Variants in CLSTN1 observed in about 807,000 individuals in gnomAD.
The protein encoded by CLSTN1 is calsyntenin 1.
Under a neutral mutation model 108.3 loss-of-function variants are expected in CLSTN1, and 28 were observed. That is an observed-to-expected ratio of 0.26 (90% confidence interval 0.19 to 0.35). The LOEUF (loss-of-function observed/expected upper bound fraction) is 0.35, where lower values mean the gene tolerates loss of function less well. CLSTN1 is among the 10% of genes least tolerant of loss of function. The pLI, the probability that CLSTN1 is intolerant of heterozygous loss-of-function variation, is 1.00. For synonymous variants in CLSTN1, 524 were observed against 534.9 expected, an observed-to-expected ratio of 0.98 and a Z score of 0.28; for missense variants, 1,157 against 1,302.6, an observed-to-expected ratio of 0.89 and a Z score of 1.72.
intron 1 of CLSTN1, among the ~76,000 whole-genome samples, chr1:9,778,884 G>A (rs990136230): frequency 3.3e-5 from 5 of 152,002 alleles, no homozygotes; most frequent in South Asian, 2.1e-4. Context: ...TTAGCCGGGC[G>A]TGGTGGCAGG....
intron 1 of CLSTN1, among the ~76,000 whole-genome samples, chr1:9,802,326 A>G (rs1035273818): frequency 1.3e-5 from 2 of 152,212 alleles, no homozygotes; most frequent in Non-Finnish European, 2.9e-5. Flanking sequence ...AAATTATATC[A>G]GGCCACACTG....
rs531556868 is a variant in CLSTN1, at chr1:9,768,941, G to GAGGGAGGGAGGAAGGC, written c.214+4330_214+4331insGCCTTCCTCCCTCCCT. 2.1e-3 allele frequency among the ~76,000 whole-genome samples: 307 copies of GAGGGAGGGAGGAAGGC among 142,976 alleles called. 3 individuals are homozygous for GAGGGAGGGAGGAAGGC. The East Asian group carries it at 0.024, about 11-fold the overall frequency. The allele number at this position is 142,976 out of a possible 152,430, so 93.8% of individuals were successfully genotyped here. On this transcript the variant is annotated intron_variant, in intron 2 of 18. Transcript: ENST00000377298. Reference sequence around the variant, plus strand: ...AAAGTAAAGGAGAAAGGGAAAGAGGGAGGGAGGGAGGGAGGAAAAGGGGGA... The same window carrying GAGGGAGGGAGGAAGGC: ...AAAGTAAAGGAGAAAGGGAAAGAGGGAGGGAGGGAGGAAGGCAGGGAGGGAGGGAGGAAAAGGGGGA...
chr1:9,744,421 G>A lies in CLSTN1; in HGVS notation c.1208C>T (p.Thr403Ile). Residue 403 changes from threonine to isoleucine, a missense_variant, in exon 8 of 19, where the codon ACA becomes ATA. By Grantham distance (89) the Thr-to-Ile change is moderately conservative (BLOSUM62 -1). Coordinates refer to ENST00000377298, the MANE Select transcript of CLSTN1 (RefSeq NM_001009566.3). Reference protein sequence around the residue: ...RHGPFGRKKETILCSSDKTDM... With the variant: ...RHGPFGRKKEIILCSSDKTDM... Reference sequence around the variant, plus strand: ...TGTTTTATCAGAACTGCAAAGAATTGTCTCCTTCTTCCTGCCGAATGGCCC... The same window carrying A: ...TGTTTTATCAGAACTGCAAAGAATTATCTCCTTCTTCCTGCCGAATGGCCC... 9 of 1,610,334 alleles carry A rather than the reference G, an allele frequency of 5.6e-6. No homozygotes were observed. Among genetic ancestry groups the A allele is most frequent in the Non-Finnish European group, 7.6e-6 (9 of 1,179,866 alleles).
In CLSTN1 at chr1:9,823,755, G is replaced by A; in HGVS notation, c.-22C>T. ...GCATCGCCAGCCCGGGGCGGGAGCG[G>A]CAGGGAGGCGCGCGGGACGCCGAGC... On this transcript the variant is annotated 5_prime_UTR_variant, in exon 1 of 19. Transcript: ENST00000377298. This position sits in a 1 kb window ranked among gnomAD's most constrained non-coding sequence, Gnocchi z 6.3. 2.0e-6 allele frequency: 2 copies of A among 1,020,666 alleles called. No homozygotes were observed. The highest frequency in any genetic ancestry group is 2.3e-6 in the Non-Finnish European group (2 of 851,334). 63.2% of individuals were successfully genotyped at this position (1,020,666 alleles called of 1,614,324 possible).
At chr1:9,779,011 G>A (rs1413975758) in intron 1 of CLSTN1, among the ~76,000 whole-genome samples, 1 of 148,510 alleles carries the variant, frequency 6.7e-6, no homozygotes, top group Admixed American at 6.8e-5. Context: ...AGAGAAGCGA[G>A]AGACTTCGTC....
At chr1:9,778,766 G>A (rs568877270) in intron 1 of CLSTN1, among the ~76,000 whole-genome samples, 1 of 152,176 alleles carries the variant, frequency 6.6e-6, no homozygotes, top group Non-Finnish European at 1.5e-5. Context: ...TGTAATCTTA[G>A]CACTTTGGGA....
intron 1 of CLSTN1, among the ~76,000 whole-genome samples, chr1:9,800,653 C>T (rs1654223092): frequency 6.6e-6 from 1 of 150,914 alleles, no homozygotes; most frequent in Non-Finnish European, 1.5e-5. Flanking sequence ...TGACGTGAAC[C>T]CAGGAAGCGG....
rs192967730 is a variant in CLSTN1 at position 9,734,293 on chromosome 1, G to A, written c.2111-151C>T. The A allele has an allele frequency of 4.9e-5, 38 of 769,824 alleles. No homozygotes were observed. Among genetic ancestry groups the A allele is most frequent in the East Asian group, 1.6e-4 (6 of 37,116 alleles). 47.7% of individuals were successfully genotyped at this position (769,824 alleles called of 1,614,324 possible). On this transcript the variant is annotated intron_variant, in intron 14 of 18. Coordinates refer to ENST00000377298, the MANE Select transcript of CLSTN1 (RefSeq NM_001009566.3). The surrounding 1 kb of genome is among the most constrained non-coding windows in gnomAD (Gnocchi z 4.8). ...CAAGCGAGAGTTGCTTTCAAGAAAC[G>A]GCTGGGCGCAGTGGCTCACGCCTGT... is the stretch of plus-strand genomic sequence containing the variant.
chr1:9,795,847 T>C, intron 1 of CLSTN1, among the ~76,000 whole-genome samples: 1 of 150,082 alleles, frequency 6.7e-6, no homozygotes, highest in South Asian at 2.2e-4. Context: ...CCTGGCTACT[T>C]GGGAGGCTGA....
chr1:9,776,866 C>CTATCATCTATCAGCATT (rs769652207), intron 1 of CLSTN1, among the ~76,000 whole-genome samples: 26 of 121,034 alleles, frequency 2.1e-4, no homozygotes, highest in African/African-American at 7.5e-4. Context: ...CAGCATTTAT[C>CTATCATCTATCAGCATT]TATCTATCTA....
chr1:9,778,684 C>T (rs755758669), intron 1 of CLSTN1, among the ~76,000 whole-genome samples: 9 of 152,028 alleles, frequency 5.9e-5, no homozygotes, highest in Non-Finnish European at 1.0e-4. Flanking sequence ...CTTCTCCCCC[C>T]GTCCATAGGC....
intron 11 of CLSTN1, among the ~76,000 whole-genome samples, chr1:9,736,908 A>G (rs1650720327): frequency 1.3e-5 from 2 of 152,090 alleles, no homozygotes; most frequent in Non-Finnish European, 1.5e-5. Context: ...CCCCGTCTCT[A>G]CTAAAAATAT....
chr1:9,773,017 A>C (rs1041497351), intron 2 of CLSTN1, among the ~76,000 whole-genome samples: 8 of 152,214 alleles, frequency 5.3e-5, no homozygotes, highest in Non-Finnish European at 8.8e-5. Flanking sequence ...TCTAGGAGTT[A>C]TCTGGCTACA....
rs979991181 is a variant in CLSTN1, at chr1:9,729,345, T to C, written c.*1163A>G. The C allele has an allele frequency of 2.0e-5, 3 of 152,560 alleles. No individual in the cohort carries two copies. The highest frequency in any genetic ancestry group is 4.4e-5 in the Non-Finnish European group (3 of 68,038). 9.5% of individuals were successfully genotyped at this position (152,560 alleles called of 1,614,324 possible). On this transcript the variant is annotated 3_prime_UTR_variant, in exon 19 of 19. Coordinates refer to ENST00000377298, the MANE Select transcript of CLSTN1 (RefSeq NM_001009566.3). ...GTGGGTTTTAGACCATGACTGTTTG[T>C]TTGCTCTCCTGCCCTACCACCAAGC...
rs570091715 is a variant in CLSTN1, at chr1:9,796,154, C to T, written c.92-22760G>A. On this transcript the variant is annotated intron_variant, in intron 1 of 18. Coordinates refer to ENST00000377298, the MANE Select transcript of CLSTN1 (RefSeq NM_001009566.3). ...GTGGGCGCCTGTAATCCCAGCTACT[C>T]GGGGGGCTGAAGCAGGAGAACTGCT... is the stretch of plus-strand genomic sequence containing the variant. Among the ~76,000 whole-genome samples, 38 of 148,858 alleles carry T rather than the reference C, an allele frequency of 2.6e-4. 1 individual carries two copies. The highest frequency in any genetic ancestry group is 5.6e-4 in the African/African-American group (23 of 40,766).
At chr1:9,781,407 C>G (rs1358897588) in intron 1 of CLSTN1, among the ~76,000 whole-genome samples, 3 of 150,662 alleles carry the variant, frequency 2.0e-5, no homozygotes, top group South Asian at 2.1e-4. Flanking sequence ...AAGTGGCTTA[C>G]AGACAGAACT....
At position 9,734,799 on chromosome 1, in the gene CLSTN1, G is replaced by C; in HGVS notation, c.2110+149C>G. ...GATCACCATGAGCTCCAGCTCACGG[G>C]TCAGATTCCAGAAGCACACCCGAGA... On this transcript the variant is annotated intron_variant, in intron 14 of 18. Transcript: ENST00000377298. This position sits in a 1 kb window ranked among gnomAD's most constrained non-coding sequence, Gnocchi z 4.8. 1 of 657,250 alleles carries C rather than the reference G, an allele frequency of 1.5e-6. No individual in the cohort carries two copies. Among genetic ancestry groups the C allele is most frequent in the Non-Finnish European group, 2.6e-6 (1 of 385,232 alleles). 40.7% of individuals were successfully genotyped at this position (657,250 alleles called of 1,614,324 possible).
chr1:9,821,225 T>C (rs965708056), intron 1 of CLSTN1, among the ~76,000 whole-genome samples: 6 of 152,286 alleles, frequency 3.9e-5, no homozygotes, highest in South Asian at 2.1e-4. Flanking sequence ...CTCCGCCTCC[T>C]GGGTTCAAGC....
At chr1:9,749,231 CACA>C (rs777865535) in intron 7 of CLSTN1, among the ~76,000 whole-genome samples, 49 of 152,246 alleles carry the variant, frequency 3.2e-4, no homozygotes, top group Middle Eastern at 6.8e-3. Context: ...TGCACATATA[CACA>C]ACATGTTGAA....
Sources: allele counts gnomAD v4.1 joint callset (sites outside exome capture counted in the v4.1 genomes callset), GRCh38; gene constraint gnomAD v4.1.1; non-coding constraint Gnocchi (gnomAD v3.1); transcripts MANE v1.5; gene names NCBI Gene and HGNC (gene_info 2026-07-23, HGNC 2026-07-21).